The following ANKRD6 variants were observed in gnomAD, a reference collection of about 807,000 sequenced individuals.
ANKRD6 encodes ankyrin repeat domain 6, also known as ankyrin repeat domain-containing protein 6.
In ANKRD6, 56 loss-of-function variants were observed where a neutral mutation model predicts 82.3. The observed-to-expected ratio is 0.68, with a 90% CI of 0.55 to 0.85. ANKRD6 has a LOEUF of 0.85. Ranked by LOEUF, ANKRD6 falls within the 40% of genes least tolerant of loss-of-function variation. The probability of loss-of-function intolerance (pLI) is 0.00; values close to 1 mark genes in which losing one functional copy is unlikely to be tolerated. For synonymous variants in ANKRD6, 347 were observed against 352.1 expected (o/e 0.99, Z 0.16); for missense variants, 852 against 907.6 (o/e 0.94, Z 0.79).
chr6:89,615,447 T>G (rs1240371201), intron 7 of ANKRD6, among the ~76,000 whole-genome samples: 1 of 152,228 alleles, frequency 6.6e-6, no homozygotes, highest in African/African-American at 2.4e-5. Flanking sequence ...CCAGTGCCTT[T>G]CAACCTTGGC....
intron 2 of ANKRD6, among the ~76,000 whole-genome samples, chr6:89,575,640 T>C (rs1480157551): frequency 6.6e-6 from 1 of 152,214 alleles, no homozygotes; most frequent in African/African-American, 2.4e-5. Context: ...GGATTGTACT[T>C]GTATAAAACA....
At chr6:89,628,189 T>C (rs1806343504) in intron 14 of ANKRD6, 1 of 161,250 alleles carries the variant, frequency 6.2e-6, no homozygotes, top group African/African-American at 2.4e-5. Flanking sequence ...AGCTCTCTGC[T>C]TGGGTGCCTG....
chr6:89,558,837 A>C (rs1385300920), intron 1 of ANKRD6, among the ~76,000 whole-genome samples: 2 of 152,126 alleles, frequency 1.3e-5, no homozygotes, highest in Admixed American at 1.3e-4. Flanking sequence ...AAAGGGCTAT[A>C]TGAGAACTCT....
chr6:89,616,451 C>A (rs1467115508), intron 7 of ANKRD6, 108 bp from the exon 8 acceptor site: 2 of 1,003,546 alleles, frequency 2.0e-6, no homozygotes, highest in East Asian at 2.4e-5. Context: ...CAGTCTCAGG[C>A]AAATCTCAGT....
Position 89,610,434 on chromosome 6 carries a change from G to T in ANKRD6, c.418-1838G>T, listed in dbSNP as rs77239155. On this transcript the variant is annotated intron_variant, in intron 5 of 15. Coordinates refer to ENST00000339746, the MANE Select transcript of ANKRD6 (RefSeq NM_001242809.2). Reference sequence around the variant, plus strand: ...GTCGTTACATGGAGGAATGGTTCACGCCTCTTTATTGCTGAGGAGTATTCC... The same window carrying T: ...GTCGTTACATGGAGGAATGGTTCACTCCTCTTTATTGCTGAGGAGTATTCC... Among the ~76,000 whole-genome samples, 997 of 152,240 alleles carry T rather than the reference G, an allele frequency of 6.5e-3. 6 individuals are homozygous for T. Among genetic ancestry groups the T allele is most frequent in the Non-Finnish European group, 0.01 (701 of 68,024 alleles).
chr6:89,437,579 C>T (rs1770813959), intron 1 of ANKRD6, among the ~76,000 whole-genome samples: 1 of 152,172 alleles, frequency 6.6e-6, no homozygotes, highest in African/African-American at 2.4e-5. Context: ...AAGTCCAGTA[C>T]ATTCTGCTTT....
At chr6:89,509,619 G>T (rs999933446) in intron 1 of ANKRD6, among the ~76,000 whole-genome samples, 1 of 152,136 alleles carries the variant, frequency 6.6e-6, no homozygotes, top group Non-Finnish European at 1.5e-5. Flanking sequence ...ATAAAACATT[G>T]CCTTTATTTT....
Position 89,624,003 on chromosome 6 carries a change from C to T in ANKRD6, c.1164C>T (p.Phe388=). The change falls in exon 12 of 16, where the codon TTC becomes TTT. Residue 388 remains phenylalanine (F), a synonymous_variant. Coordinates refer to ENST00000339746, the MANE Select transcript of ANKRD6 (RefSeq NM_001242809.2). ...CATCCCCACCCCCACCCCATGAGTT[C>T]AGGGCGTATCAGCTCTACACATTGT... ...RCSSPPPPHE[F]RAYQLYTLYR... The T allele has an allele frequency of 6.4e-7, 1 of 1,566,912 alleles. No individual in the cohort carries two copies. Among genetic ancestry groups the T allele is most frequent in the Non-Finnish European group, 8.8e-7 (1 of 1,141,976 alleles).
At chr6:89,519,304 T>G (rs1157321848) in intron 1 of ANKRD6, among the ~76,000 whole-genome samples, 1 of 152,138 alleles carries the variant, frequency 6.6e-6, no homozygotes, top group Non-Finnish European at 1.5e-5. Context: ...TTCAGGATGG[T>G]TAGTTGGGAA....
intron 1 of ANKRD6, among the ~76,000 whole-genome samples, chr6:89,501,922 TTA>T (rs1007779088): frequency 2.0e-5 from 3 of 152,168 alleles, no homozygotes; most frequent in African/African-American, 7.2e-5. Flanking sequence ...CCCACAGGAT[TTA>T]TGTGTTCTTT....
chr6:89,596,037 T>G, intron 3 of ANKRD6, 23 bp downstream of exon 3: 3 of 1,584,668 alleles, frequency 1.9e-6, no homozygotes, highest in Non-Finnish European at 2.6e-6. Context: ...CATCATTCTA[T>G]CAGGCTGAGT....
chr6:89,501,701 T>A (rs977507681), intron 1 of ANKRD6, among the ~76,000 whole-genome samples: 4 of 152,252 alleles, frequency 2.6e-5, no homozygotes, highest in African/African-American at 9.6e-5. Context: ...AACATCCATG[T>A]GGAGATGCTT....
At chr6:89,509,932 G>A (rs894743315) in intron 1 of ANKRD6, among the ~76,000 whole-genome samples, 1 of 152,232 alleles carries the variant, frequency 6.6e-6, no homozygotes, top group Non-Finnish European at 1.5e-5. Flanking sequence ...GCAAACATTA[G>A]CGCTGTTTAC....
chr6:89,622,627 A>G (rs1243610152), intron 10 of ANKRD6, among the ~76,000 whole-genome samples: 1 of 152,132 alleles, frequency 6.6e-6, no homozygotes, highest in African/African-American at 2.4e-5. Context: ...GGGCAGACCC[A>G]CTGTGCACAG....
At chr6:89,514,964 G>A (rs1330727385) in intron 1 of ANKRD6, among the ~76,000 whole-genome samples, 7 of 152,104 alleles carry the variant, frequency 4.6e-5, no homozygotes, top group African/African-American at 1.7e-4. Context: ...CTTTCCATAT[G>A]CTTATTGGCT....
At chr6:89,455,245 G>A (rs1773364181) in intron 1 of ANKRD6, among the ~76,000 whole-genome samples, 1 of 151,526 alleles carries the variant, frequency 6.6e-6, no homozygotes, top group Non-Finnish European at 1.5e-5. Flanking sequence ...ATTTTATAAA[G>A]AAAAGAGGTT....
At chr6:89,590,079 A>G (rs1307670368) in intron 2 of ANKRD6, among the ~76,000 whole-genome samples, 6 of 152,178 alleles carry the variant, frequency 3.9e-5, no homozygotes, top group Non-Finnish European at 7.3e-5. Flanking sequence ...TAATAGTTGT[A>G]TTGGGTTGTG....
chr6:89,631,156 C>G lies in ANKRD6; in HGVS notation c.*152C>G. On this transcript the variant is annotated 3_prime_UTR_variant, in exon 16 of 16. Coordinates refer to ENST00000339746, the MANE Select transcript of ANKRD6 (RefSeq NM_001242809.2). Reference sequence around the variant, plus strand: ...TCTACAATGTGCCAGATACATGTTTCCTATGCCCAGGAAGTTATGAAGACT... The same window carrying G: ...TCTACAATGTGCCAGATACATGTTTGCTATGCCCAGGAAGTTATGAAGACT... The G allele has an allele frequency of 7.5e-7, 1 of 1,326,814 alleles. No individual in the cohort carries two copies. The highest frequency in any genetic ancestry group is 9.8e-7 in the Non-Finnish European group (1 of 1,024,666). The allele number at this position is 1,326,814 out of a possible 1,614,324, so 82.2% of individuals were successfully genotyped here.
At chr6:89,498,084 CTT>C (rs1193189020) in intron 1 of ANKRD6, among the ~76,000 whole-genome samples, 3 of 152,078 alleles carry the variant, frequency 2.0e-5, no homozygotes, top group Non-Finnish European at 4.4e-5. Context: ...AAAAACAAAA[CTT>C]TGAATTGTGG....
Sources: allele counts gnomAD v4.1 joint callset (sites outside exome capture counted in the v4.1 genomes callset), GRCh38; gene constraint gnomAD v4.1.1; transcripts MANE v1.5; gene names NCBI Gene and HGNC (gene_info 2026-07-23, HGNC 2026-07-21).